CALN1: variants seen among roughly 807,000 people sequenced by gnomAD.
CALN1 encodes the protein calneuron 1, also known as calcium-binding protein 8.
In CALN1, 17 loss-of-function variants were observed where a neutral mutation model predicts 30.6. The observed-to-expected ratio is 0.56, with a 90% CI of 0.38 to 0.83. CALN1 has a LOEUF of 0.83. Among genes scored for constraint, CALN1 ranks in the 40% least tolerant of loss-of-function variants. The pLI is 0.00. For missense variants in CALN1, 291 were observed against 354.9 expected, an observed-to-expected ratio of 0.82 and a Z score of 1.45; for synonymous variants, 156 against 131.4, an observed-to-expected ratio of 1.19 and a Z score of -1.28.
chr7:71,962,559 T>C (rs1052686377), intron 5 of CALN1, among the ~76,000 whole-genome samples: 5 of 152,252 alleles, frequency 3.3e-5, no homozygotes, highest in Non-Finnish European at 4.4e-5. Flanking sequence ...AGAGTGAATA[T>C]TTCCCCTCAT....
rs76349517 is a variant in CALN1 at position 71,888,182 on chromosome 7, G to C, written c.502-77690C>G. On this transcript the variant is annotated intron_variant, in intron 5 of 6. Transcript: ENST00000395275. ...GGGTCTGGGGAACAAAAATGCTTAA[G>C]ATGCTGGAAGAAGAAGAGAAGGCTG... Among the ~76,000 whole-genome samples, 10 of 152,220 alleles carry C rather than the reference G, an allele frequency of 6.6e-5. No homozygotes were observed. In the East Asian group the frequency reaches 1.7e-3, roughly 26 times the overall value.
intron 5 of CALN1, among the ~76,000 whole-genome samples, chr7:71,836,168 G>T (rs1789588111): frequency 6.6e-6 from 1 of 152,200 alleles, no homozygotes; most frequent in African/African-American, 2.4e-5. Context: ...AGCCCAGCCT[G>T]GATCAACCGG....
chr7:72,020,959 A>G (rs1800670569), intron 5 of CALN1, among the ~76,000 whole-genome samples: 1 of 152,090 alleles, frequency 6.6e-6, no homozygotes, highest in Non-Finnish European at 1.5e-5. Context: ...GGCCCTAAGG[A>G]TGGAGGTAAA....
At chr7:72,184,217 C>T (rs775468526) in intron 3 of CALN1, among the ~76,000 whole-genome samples, 2 of 152,200 alleles carry the variant, frequency 1.3e-5, no homozygotes, top group Non-Finnish European at 2.9e-5. Context: ...GTTGACATAT[C>T]TGGAGCCATT....
the CALN1 span, among the ~76,000 whole-genome samples, chr7:72,478,887 C>CTTTTTTTTTTTTTTTTTTTT: frequency 1.0e-4 from 14 of 139,392 alleles, no homozygotes; most frequent in African/African-American, 3.2e-4. Flanking sequence ...CGAACCACTT[C>CTTTTTTTTTTTTTTTTTTTT]TTTTTTTTTT....
At chr7:72,349,037 T>C (rs1802786680) in intron 2 of CALN1, among the ~76,000 whole-genome samples, 1 of 151,938 alleles carries the variant, frequency 6.6e-6, no homozygotes, top group Non-Finnish European at 1.5e-5. Flanking sequence ...AAGAAGCAAA[T>C]AAAATTGTAG....
At chr7:72,495,508 A>G in the CALN1 span, among the ~76,000 whole-genome samples, 1 of 152,232 alleles carries the variant, frequency 6.6e-6, no homozygotes, top group African/African-American at 2.4e-5. Context: ...TTGTCCCAAG[A>G]ACTCATTTTG....
chr7:72,223,576 C>T (rs1260414771), intron 3 of CALN1, among the ~76,000 whole-genome samples: 1 of 152,120 alleles, frequency 6.6e-6, no homozygotes, highest in Non-Finnish European at 1.5e-5. Context: ...CTCTCATAGG[C>T]CTGATGTGGT....
chr7:71,793,390 C>G (rs573517677), intron 6 of CALN1, among the ~76,000 whole-genome samples: 1 of 152,284 alleles, frequency 6.6e-6, no homozygotes, highest in African/African-American at 2.4e-5. Flanking sequence ...TAGTCTGAGT[C>G]AGTACCCTGT....
chr7:72,292,344 G>A (rs945212185), intron 2 of CALN1, among the ~76,000 whole-genome samples: 2 of 151,420 alleles, frequency 1.3e-5, no homozygotes, highest in Admixed American at 6.6e-5. Context: ...AGCAGAGAGC[G>A]CTCTGGTCTC....
chr7:71,925,239 G>T (rs541456383), intron 5 of CALN1, among the ~76,000 whole-genome samples: 1 of 151,832 alleles, frequency 6.6e-6, no homozygotes, highest in African/African-American at 2.4e-5. Context: ...AGACTCTGAG[G>T]GGGAGAGAGA....
At chr7:72,083,851 G>A (rs1343031633) in intron 4 of CALN1, among the ~76,000 whole-genome samples, 1 of 149,092 alleles carries the variant, frequency 6.7e-6, no homozygotes, top group Admixed American at 6.7e-5. Flanking sequence ...CCATATCTAA[G>A]TACAGCACAG....
At chr7:72,368,262 CTG>C (rs1804000426) in intron 2 of CALN1, among the ~76,000 whole-genome samples, 1 of 150,074 alleles carries the variant, frequency 6.7e-6, no homozygotes, top group African/African-American at 2.5e-5. Context: ...GTTCTGTTAA[CTG>C]TTAACTGAGT....
At chr7:72,491,065 A>G in the CALN1 span, among the ~76,000 whole-genome samples, 2 of 152,228 alleles carry the variant, frequency 1.3e-5, no homozygotes, top group East Asian at 3.9e-4. Flanking sequence ...TAACATGGTG[A>G]AACCCTGTCT....
chr7:71,819,632 C>T (rs1395981241), intron 5 of CALN1, among the ~76,000 whole-genome samples: 1 of 152,198 alleles, frequency 6.6e-6, no homozygotes, highest in Non-Finnish European at 1.5e-5. Context: ...TATTAATTAT[C>T]ATTAAACACT....
At chr7:72,437,620 C>CCTTT (rs749650135) in intron 1 of CALN1, among the ~76,000 whole-genome samples, 2 of 151,006 alleles carry the variant, frequency 1.3e-5, no homozygotes, top group South Asian at 2.1e-4. Context: ...ATATCTTTTG[C>CCTTT]CTTTCTTTCT....
intron 3 of CALN1, among the ~76,000 whole-genome samples, chr7:72,114,449 C>T (rs909702683): frequency 2.0e-5 from 3 of 151,550 alleles, no homozygotes; most frequent in Non-Finnish European, 4.4e-5. Context: ...TTCTAGCGAG[C>T]AGCTGCAAAT....
chr7:72,318,357 T>C (rs6954735), intron 2 of CALN1, among the ~76,000 whole-genome samples: 2,983 of 152,330 alleles, frequency 0.02, 31 homozygotes, highest in Middle Eastern at 0.034. Context: ...TCTCAACTAT[T>C]ATCTCCCTCT....
chr7:71,996,878 T>TA (rs1413650199), intron 5 of CALN1, among the ~76,000 whole-genome samples: 1 of 151,062 alleles, frequency 6.6e-6, no homozygotes, highest in Admixed American at 6.6e-5. Context: ...AACAAGTAAA[T>TA]AAGAGTTATA....
Sources: allele counts gnomAD v4.1 joint callset (sites outside exome capture counted in the v4.1 genomes callset), GRCh38; gene constraint gnomAD v4.1.1; transcripts MANE v1.5; gene names NCBI Gene and HGNC (gene_info 2026-07-23, HGNC 2026-07-21).